ELAVL2: variants seen among roughly 807,000 people sequenced by gnomAD.
The protein encoded by ELAVL2 is ELAV-like protein 2.
ELAVL2 carries 4 observed loss-of-function variants against 34.6 expected under a neutral mutation model. That is an observed-to-expected ratio of 0.12 (90% CI 0.06 to 0.26). ELAVL2 has a LOEUF of 0.26. Among genes scored for constraint, ELAVL2 ranks in the 10% least tolerant of loss-of-function variants. ELAVL2 has a pLI of 1.00. For synonymous variants in ELAVL2, 193 were observed against 154.8 expected (o/e 1.25, Z -1.83); for missense variants, 432 against 442.8 (o/e 0.98, Z 0.22).
intron 2 of ELAVL2, among the ~76,000 whole-genome samples, chr9:23,758,140 G>A (rs1418939784): frequency 6.6e-6 from 1 of 152,046 alleles, no homozygotes; most frequent in Non-Finnish European, 1.5e-5. Context: ...GATAATTAGA[G>A]AAGGACCAAA....
Position 23,745,840 on chromosome 9 carries a change from G to A in ELAVL2, c.230-14715C>T, listed in dbSNP as rs2050354335. On this transcript the variant is annotated intron_variant, in intron 2 of 6. Coordinates refer to ENST00000397312, the MANE Select transcript of ELAVL2 (RefSeq NM_004432.5). ...TCCTTAGCTACTAAAAGCAATGGGA[G>A]TCACCAAACATTACTGACCTCTGAA... Among the ~76,000 whole-genome samples the A allele has an allele frequency of 2.0e-5, 3 of 152,254 alleles. No homozygotes were observed. The South Asian group carries it at 6.2e-4, about 32-fold the overall frequency.
intron 5 of ELAVL2, among the ~76,000 whole-genome samples, chr9:23,699,838 T>G (rs1228131615): frequency 4.2e-5 from 4 of 95,762 alleles, no homozygotes; most frequent in South Asian, 5.1e-4. Flanking sequence ...TTTTTTTTTT[T>G]TTTTTTTTTT....
chr9:23,723,105 G>C (rs1048659413), intron 3 of ELAVL2, among the ~76,000 whole-genome samples: 1 of 152,126 alleles, frequency 6.6e-6, no homozygotes, highest in East Asian at 1.9e-4. Flanking sequence ...ATTTGTTTGA[G>C]TTCATTGTAG....
At chr9:23,779,254 G>C in intron 1 of ELAVL2, 3 of 985,394 alleles carry the variant, frequency 3.0e-6, no homozygotes, top group Non-Finnish European at 3.6e-6. Context: ...TTTTTCTGCT[G>C]CTTTTGGTTT....
intron 3 of ELAVL2, among the ~76,000 whole-genome samples, chr9:23,730,008 A>G (rs2046158964): frequency 6.6e-6 from 1 of 152,090 alleles, no homozygotes. Context: ...AGGGTGGAAA[A>G]TAGGTTCAAA....
intron 1 of ELAVL2, among the ~76,000 whole-genome samples, chr9:23,777,982 T>C (rs111493469): frequency 8.8e-3 from 1 of 114 alleles, no homozygotes; most frequent in Non-Finnish European, 0.019. Flanking sequence ...CCAGGTGGCC[T>C]ACTCTGAACA....
chr9:23,817,139 G>A (rs1005792541), intron 1 of ELAVL2, among the ~76,000 whole-genome samples: 2 of 151,788 alleles, frequency 1.3e-5, no homozygotes, highest in Non-Finnish European at 2.9e-5. Context: ...TTAAAAGTGG[G>A]AAAGGGGATT....
intron 5 of ELAVL2, among the ~76,000 whole-genome samples, chr9:23,698,482 TA>T (rs1359808765): frequency 6.6e-6 from 1 of 152,206 alleles, no homozygotes; most frequent in Non-Finnish European, 1.5e-5. Context: ...TTATGATTAT[TA>T]AAAGTATTCT....
At chr9:23,743,922 C>G (rs1016547082) in intron 2 of ELAVL2, among the ~76,000 whole-genome samples, 2 of 152,144 alleles carry the variant, frequency 1.3e-5, no homozygotes, top group Non-Finnish European at 2.9e-5. Context: ...TATGAAGGAC[C>G]ATCTGATGTG....
chr9:23,705,190 C>G (rs1050997650), intron 3 of ELAVL2, 119 bp from the exon 4 acceptor site: 1 of 1,136,056 alleles, frequency 8.8e-7, no homozygotes, highest in Non-Finnish European at 1.2e-6. Context: ...GAAGTTCAAG[C>G]AAGTCAGGTG....
chr9:23,774,483 G>C (rs1031017951), intron 1 of ELAVL2, among the ~76,000 whole-genome samples: 2 of 152,188 alleles, frequency 1.3e-5, no homozygotes, highest in African/African-American at 4.8e-5. Flanking sequence ...AGTCACAAAC[G>C]GTGACTAAGG....
intron 1 of ELAVL2, among the ~76,000 whole-genome samples, chr9:23,797,306 T>G (rs180951039): frequency 3.9e-5 from 6 of 152,322 alleles, no homozygotes; most frequent in Admixed American, 3.3e-4. Flanking sequence ...ACAGCACGGC[T>G]TTCTAAATAT....
chr9:23,692,893 C>G lies in ELAVL2; in HGVS notation c.753-9G>C. On this transcript the variant is annotated splice_polypyrimidine_tract_variant and intron_variant, in intron 6 of 6. Transcript: ENST00000397312. ...TGGTCATTGGAGAAAACCTGCTAAA[C>G]AGAATAGGAAATACACACATACACA... is the stretch of plus-strand genomic sequence containing the variant. The G allele has an allele frequency of 6.2e-7, 1 of 1,612,064 alleles. No individual in the cohort carries two copies. The highest frequency in any genetic ancestry group is 8.5e-7 in the Non-Finnish European group (1 of 1,178,636).
At chr9:23,701,643 C>G (rs1392901196) in intron 4 of ELAVL2, 39 bp from the exon 5 acceptor site, 1 of 1,598,248 alleles carries the variant, frequency 6.3e-7, no homozygotes, top group South Asian at 1.1e-5. Flanking sequence ...AAAGAGGGAA[C>G]AGAAGGAGAA....
intron 3 of ELAVL2, among the ~76,000 whole-genome samples, chr9:23,729,863 T>G (rs2046128247): frequency 6.6e-6 from 1 of 152,080 alleles, no homozygotes; most frequent in African/African-American, 2.4e-5. Flanking sequence ...AAAATGACAC[T>G]TCATTTCCAG....
chr9:23,790,084 C>T (rs1045585585), intron 1 of ELAVL2, among the ~76,000 whole-genome samples: 1 of 149,818 alleles, frequency 6.7e-6, no homozygotes, highest in Non-Finnish European at 1.5e-5. Context: ...AAAAAAACAA[C>T]CTTTCAACAA....
At chr9:23,720,789 G>T (rs1264910413) in intron 3 of ELAVL2, among the ~76,000 whole-genome samples, 1 of 152,148 alleles carries the variant, frequency 6.6e-6, no homozygotes, top group African/African-American at 2.4e-5. Context: ...AAATCATTAA[G>T]ATCCACTGAA....
chr9:23,820,831 C>T (rs1193367108), intron 1 of ELAVL2, among the ~76,000 whole-genome samples: 1 of 152,236 alleles, frequency 6.6e-6, no homozygotes, highest in Admixed American at 6.5e-5. Context: ...CAGAGCCGGC[C>T]TCGCCCGGCA....
In ELAVL2 at chr9:23,728,973, T is replaced by G. The variant is rs534968797; in HGVS notation, c.333+2049A>C. Among the ~76,000 whole-genome samples, 8 of 152,246 alleles carry G rather than the reference T, an allele frequency of 5.3e-5. No individual in the cohort carries two copies. In the South Asian group the frequency reaches 1.7e-3, roughly 32 times the overall value. Reference sequence around the variant, plus strand: ...AGAAAATCAGAAACTGATGTCACACTATAAAAGCCACAAAGCTTTACTGTG... The same window carrying G: ...AGAAAATCAGAAACTGATGTCACACGATAAAAGCCACAAAGCTTTACTGTG... On this transcript the variant is annotated intron_variant, in intron 3 of 6. Coordinates refer to ENST00000397312, the MANE Select transcript of ELAVL2 (RefSeq NM_004432.5).
Sources: gnomAD v4.1 joint callset for allele counts (sites outside exome capture counted in the v4.1 genomes callset) on GRCh38, gnomAD v4.1.1 for gene constraint, MANE v1.5 for transcripts, NCBI Gene and HGNC (gene_info 2026-07-23, HGNC 2026-07-21) for gene names.